Variants in NRM observed in about 807,000 individuals in gnomAD.
NRM encodes the protein nurim.
In NRM, 19 loss-of-function variants were observed where a neutral mutation model predicts 23.4. The ratio of observed to expected loss-of-function variants is 0.81; its 90% CI spans 0.57 to 1.19. The LOEUF (loss-of-function observed/expected upper bound fraction) is 1.19. NRM is among the 50% of genes most tolerant of loss of function. The pLI, the probability that NRM is intolerant of heterozygous loss-of-function variation, is 0.00. For synonymous variants in NRM, 140 were observed against 143.5 expected (o/e 0.98, Z 0.17); for missense variants, 232 against 329.7 (o/e 0.70, Z 2.30).
rs1771540964 is a variant in NRM, at chr6:30,690,754, T to G, written c.133+88A>C. ...CGAGTTCCCTCTCTTGGACTTCCCC[T>G]GTCATTTGTTTCCAAGCCCCGCCCT... is the stretch of plus-strand genomic sequence containing the variant. On this transcript the variant is annotated intron_variant, in intron 1 of 3. Transcript: ENST00000376421. The surrounding 1 kb of genome is among the most constrained non-coding windows in gnomAD (Gnocchi z 5.5). The G allele has an allele frequency of 6.2e-7, 1 of 1,611,142 alleles. No individual in the cohort carries two copies. The highest frequency in any genetic ancestry group is 8.5e-7 in the Non-Finnish European group (1 of 1,179,012).
At position 30,689,955 on chromosome 6, in the gene NRM, G is replaced by T. The variant is rs891385014; in HGVS notation, c.330+92C>A. ...AATTCTCCTCCTGAACCCATATTTT[G>T]CCCCTCCAATCCACGGCACCCCTCC... On this transcript the variant is annotated intron_variant, in intron 2 of 3. Coordinates refer to ENST00000376421, the MANE Select transcript of NRM (RefSeq NM_001384369.1). This position sits in a 1 kb window ranked among gnomAD's most constrained non-coding sequence, Gnocchi z 4.7. The T allele has an allele frequency of 6.2e-6, 8 of 1,286,900 alleles. No individual in the cohort carries two copies. In the South Asian group the frequency reaches 6.8e-5, roughly 11 times the overall value. 79.7% of individuals were successfully genotyped at this position (1,286,900 alleles called of 1,614,324 possible). A position where few individuals can be genotyped will look rare whatever the true frequency, so the allele number is the denominator to read the frequency against.
chr6:30,689,982 A>G lies in NRM; in HGVS notation c.330+65T>C, dbSNP rs3129998. On this transcript the variant is annotated intron_variant, in intron 2 of 3. Coordinates refer to ENST00000376421, the MANE Select transcript of NRM (RefSeq NM_001384369.1). This position sits in a 1 kb window ranked among gnomAD's most constrained non-coding sequence, Gnocchi z 4.7. ...CCCTCCAATCCACGGCACCCCTCCC[A>G]CACTTGGTCTCCCTTGGGGACTCAA... is the stretch of plus-strand genomic sequence containing the variant. The G allele has an allele frequency of 7.2e-3, 10,938 of 1,528,872 alleles. 60 individuals carry two copies. The highest frequency in any genetic ancestry group is 9.8e-3 in the Admixed American group (416 of 42,538). 94.7% of individuals were successfully genotyped at this position (1,528,872 alleles called of 1,614,324 possible). A position where few individuals can be genotyped will look rare whatever the true frequency, so the allele number is the denominator to read the frequency against.
chr6:30,688,778 A>T lies in NRM; in HGVS notation c.672T>A (p.Leu224=). The T allele has an allele frequency of 1.2e-6, 2 of 1,613,426 alleles. No homozygotes were observed. The highest frequency in any genetic ancestry group is 1.7e-6 in the Non-Finnish European group (2 of 1,179,882). The change falls in exon 4 of 4, where the codon CTT becomes CTA. Residue 224 remains leucine (L), a synonymous_variant. Transcript: ENST00000376421. The surrounding 1 kb of genome is among the most constrained non-coding windows in gnomAD (Gnocchi z 5.9). The part of the protein sequence containing the change: ...GTDRLLLAFL[L]TLYLGLAHGL... ...CGTGAGCCAGGCCCAGGTAGAGGGT[A>T]AGGAGGAAAGCAAGGAGGAGACGGT...
At position 30,688,302 on chromosome 6, in the gene NRM, A is replaced by G; in HGVS notation, c.*359T>C. 3.5e-6 allele frequency: 1 copy of G among 285,932 alleles called. No individual in the cohort carries two copies. Among genetic ancestry groups the G allele is most frequent in the Non-Finnish European group, 6.7e-6 (1 of 149,610 alleles). 17.7% of individuals were successfully genotyped at this position (285,932 alleles called of 1,614,324 possible). On this transcript the variant is annotated 3_prime_UTR_variant, in exon 4 of 4. Transcript: ENST00000376421. This position sits in a 1 kb window ranked among gnomAD's most constrained non-coding sequence, Gnocchi z 5.9. ...TTGGAGTGGAAGCCAGCGGTGCAGA[A>G]GGGGACCCCTGAGGCGCAGAGGCAA...
Position 30,689,206 on chromosome 6 carries a change from A to G in NRM, c.507+70T>C. Reference sequence around the variant, plus strand: ...ACAGTAGAAGAGCATGGGAGGAGGGAAACCCTTGAAAGGGAACGAGGAGTT... The same window carrying G: ...ACAGTAGAAGAGCATGGGAGGAGGGGAACCCTTGAAAGGGAACGAGGAGTT... On this transcript the variant is annotated intron_variant, in intron 3 of 3. Transcript: ENST00000376421. The surrounding 1 kb of genome is among the most constrained non-coding windows in gnomAD (Gnocchi z 4.7). The G allele has an allele frequency of 7.1e-7, 1 of 1,411,338 alleles. No individual in the cohort carries two copies. Among genetic ancestry groups the G allele is most frequent in the Non-Finnish European group, 9.6e-7 (1 of 1,042,070 alleles). 87.4% of individuals were successfully genotyped at this position (1,411,338 alleles called of 1,614,324 possible). A position where few individuals can be genotyped will look rare whatever the true frequency, so the allele number is the denominator to read the frequency against.
At position 30,689,137 on chromosome 6, in the gene NRM, C is replaced by T. The variant is rs1460469418; in HGVS notation, c.507+139G>A. ...AGGAGGCCCATGCTTGCTGCCCTTACGAGGGAAAGTCAAAGGGAAGGGCCA... is the reference window on the plus strand; with the variant it reads ...AGGAGGCCCATGCTTGCTGCCCTTATGAGGGAAAGTCAAAGGGAAGGGCCA... On this transcript the variant is annotated intron_variant, in intron 3 of 3. Coordinates refer to ENST00000376421, the MANE Select transcript of NRM (RefSeq NM_001384369.1). The surrounding 1 kb of genome is among the most constrained non-coding windows in gnomAD (Gnocchi z 4.7). 24 of 1,092,490 alleles carry T rather than the reference C, an allele frequency of 2.2e-5. No homozygotes were observed. Among genetic ancestry groups the T allele is most frequent in the Non-Finnish European group, 2.6e-5 (20 of 779,016 alleles). 67.7% of individuals were successfully genotyped at this position (1,092,490 alleles called of 1,614,324 possible). A position where few individuals can be genotyped will look rare whatever the true frequency, so the allele number is the denominator to read the frequency against.
Position 30,690,885 on chromosome 6 carries a change from G to A in NRM, c.90C>T (p.Ser30=). ...GTGVEFVRFT[S]LRPLLGGIPE... ...GGATCCCTCCAAGAAGTGGCCGAAG[G>A]GAGGTAAAGCGCACGAACTCCACTC... Residue 30 remains serine (S), a synonymous_variant, in exon 1 of 4, where the codon TCC becomes TCT. Coordinates refer to ENST00000376421, the MANE Select transcript of NRM (RefSeq NM_001384369.1). The surrounding 1 kb of genome is among the most constrained non-coding windows in gnomAD (Gnocchi z 5.5). The A allele has an allele frequency of 6.2e-7, 1 of 1,613,062 alleles. No homozygotes were observed. Among genetic ancestry groups the A allele is most frequent in the Non-Finnish European group, 8.5e-7 (1 of 1,180,000 alleles).
chr6:30,689,045 A>G lies in NRM; in HGVS notation c.508-103T>C, dbSNP rs1771280140. The G allele has an allele frequency of 2.3e-6, 3 of 1,313,138 alleles. No homozygotes were observed. The highest frequency in any genetic ancestry group is 3.1e-6 in the Non-Finnish European group (3 of 974,986). 81.3% of individuals were successfully genotyped at this position (1,313,138 alleles called of 1,614,324 possible). On this transcript the variant is annotated intron_variant, in intron 3 of 3. Transcript: ENST00000376421. The surrounding 1 kb of genome is among the most constrained non-coding windows in gnomAD (Gnocchi z 4.7). ...CACCACCCTTCTAGAACTCAGGCCCAGGAACCCCCCTTCTGAGACTTGGAT... is the reference window on the plus strand; with the variant it reads ...CACCACCCTTCTAGAACTCAGGCCCGGGAACCCCCCTTCTGAGACTTGGAT...
At position 30,690,579 on chromosome 6, in the gene NRM, A is replaced by G. The variant is rs1771509325; in HGVS notation, c.133+263T>C. 6.5e-7 allele frequency: 1 copy of G among 1,543,230 alleles called. No individual in the cohort carries two copies. Among genetic ancestry groups the G allele is most frequent in the African/African-American group, 1.4e-5 (1 of 72,900 alleles). ...CACTCTCCTCTCAACAGTCCTCTCT[A>G]CAAAACACTTTACTTAGAATACTCC... On this transcript the variant is annotated intron_variant, in intron 1 of 3. Coordinates refer to ENST00000376421, the MANE Select transcript of NRM (RefSeq NM_001384369.1). The surrounding 1 kb of genome is among the most constrained non-coding windows in gnomAD (Gnocchi z 5.5).
Position 30,690,411 on chromosome 6 carries a change from G to A in NRM, c.134-168C>T. The A allele has an allele frequency of 9.4e-7, 1 of 1,068,478 alleles. No individual in the cohort carries two copies. The highest frequency in any genetic ancestry group is 1.6e-5 in the African/African-American group (1 of 62,742). The allele number at this position is 1,068,478 out of a possible 1,614,324, so 66.2% of individuals were successfully genotyped here. On this transcript the variant is annotated intron_variant, in intron 1 of 3. Coordinates refer to ENST00000376421, the MANE Select transcript of NRM (RefSeq NM_001384369.1). This position sits in a 1 kb window ranked among gnomAD's most constrained non-coding sequence, Gnocchi z 5.5. ...TCTCACTTTTCCATCCCTAGTTTCT[G>A]CCCTCTTCCCTAGGCCTCCTGCAAA...
upstream of NRM, chr6:30,690,991 G>T: frequency 6.3e-7 from 1 of 1,592,682 alleles, no homozygotes; most frequent in Non-Finnish European, 8.6e-7. This position sits in a 1 kb window ranked among gnomAD's most constrained non-coding sequence, Gnocchi z 5.5. Flanking sequence ...AAATGGAGGG[G>T]TGGGGAAAGG....
chr6:30,691,324 T>C (rs1583025196), upstream of NRM: 1 of 262,742 alleles, frequency 3.8e-6, no homozygotes, highest in Non-Finnish European at 7.5e-6. Context: ...TAAATTAATG[T>C]ATGGAATACA....
chr6:30,689,153 G>C lies in NRM; in HGVS notation c.507+123C>G. ...CTGCCCTTACGAGGGAAAGTCAAAG[G>C]GAAGGGCCACGAGGGAGAAGCAGGG... On this transcript the variant is annotated intron_variant, in intron 3 of 3. Transcript: ENST00000376421. The surrounding 1 kb of genome is among the most constrained non-coding windows in gnomAD (Gnocchi z 4.7). 8.6e-7 allele frequency: 1 copy of C among 1,163,900 alleles called. No homozygotes were observed. Among genetic ancestry groups the C allele is most frequent in the Non-Finnish European group, 1.2e-6 (1 of 840,594 alleles). 72.1% of individuals were successfully genotyped at this position (1,163,900 alleles called of 1,614,324 possible). A position where few individuals can be genotyped will look rare whatever the true frequency, so the allele number is the denominator to read the frequency against.
In NRM at chr6:30,690,390, A is replaced by T; in HGVS notation, c.134-147T>A. ...TTCCTCTCTAGGCTGTGCCCATCTC[A>T]CTTTTCCATCCCTAGTTTCTGCCCT... On this transcript the variant is annotated intron_variant, in intron 1 of 3. Coordinates refer to ENST00000376421, the MANE Select transcript of NRM (RefSeq NM_001384369.1). This position sits in a 1 kb window ranked among gnomAD's most constrained non-coding sequence, Gnocchi z 5.5. 9.5e-7 allele frequency: 1 copy of T among 1,049,872 alleles called. No individual in the cohort carries two copies. The highest frequency in any genetic ancestry group is 1.4e-6 in the Non-Finnish European group (1 of 740,688). The allele number at this position is 1,049,872 out of a possible 1,614,324, so 65.0% of individuals were successfully genotyped here. A position where few individuals can be genotyped will look rare whatever the true frequency, so the allele number is the denominator to read the frequency against.
Position 30,689,504 on chromosome 6 carries a change from TG to T in NRM, c.331-53del. On this transcript the variant is annotated intron_variant, in intron 2 of 3. Coordinates refer to ENST00000376421, the MANE Select transcript of NRM (RefSeq NM_001384369.1). The surrounding 1 kb of genome is among the most constrained non-coding windows in gnomAD (Gnocchi z 4.7). ...CCCAGTGGCCTAGTCTGCCCGACCTTGGGAGACCCAGACCCAGATCTGCCCC... is the reference window on the plus strand; with the variant it reads ...CCCAGTGGCCTAGTCTGCCCGACCTTGGAGACCCAGACCCAGATCTGCCCC... 1 of 1,495,268 alleles carries T rather than the reference TG, an allele frequency of 6.7e-7. No homozygotes were observed. The highest frequency in any genetic ancestry group is 8.9e-7 in the Non-Finnish European group (1 of 1,118,860). The allele number at this position is 1,495,268 out of a possible 1,614,324, so 92.6% of individuals were successfully genotyped here. A position where few individuals can be genotyped will look rare whatever the true frequency, so the allele number is the denominator to read the frequency against.
At position 30,688,538 on chromosome 6, in the gene NRM, G is replaced by GA; in HGVS notation, c.*122dup. 9.1e-7 allele frequency: 1 copy of GA among 1,104,040 alleles called. No individual in the cohort carries two copies. Among genetic ancestry groups the GA allele is most frequent in the Non-Finnish European group, 1.3e-6 (1 of 762,404 alleles). The allele number at this position is 1,104,040 out of a possible 1,614,324, so 68.4% of individuals were successfully genotyped here. A position where few individuals can be genotyped will look rare whatever the true frequency, so the allele number is the denominator to read the frequency against. ...CCAGAGAATAAAGTCTCAAGTAGTA[G>GA]AAGGGGCATCTCCTTCAGTCCATGG... is the stretch of plus-strand genomic sequence containing the variant. On this transcript the variant is annotated 3_prime_UTR_variant, in exon 4 of 4. Coordinates refer to ENST00000376421, the MANE Select transcript of NRM (RefSeq NM_001384369.1). The surrounding 1 kb of genome is among the most constrained non-coding windows in gnomAD (Gnocchi z 5.9).
rs924783225 is a variant in NRM at position 30,690,420 on chromosome 6, C to T, written c.134-177G>A. 5 of 1,110,968 alleles carry T rather than the reference C, an allele frequency of 4.5e-6. No homozygotes were observed. In the Admixed American group the frequency reaches 8.0e-5, roughly 18 times the overall value. 68.8% of individuals were successfully genotyped at this position (1,110,968 alleles called of 1,614,324 possible). A position where few individuals can be genotyped will look rare whatever the true frequency, so the allele number is the denominator to read the frequency against. ...TCCATCCCTAGTTTCTGCCCTCTTCCCTAGGCCTCCTGCAAACCTGGGGAA... is the reference window on the plus strand; with the variant it reads ...TCCATCCCTAGTTTCTGCCCTCTTCTCTAGGCCTCCTGCAAACCTGGGGAA... On this transcript the variant is annotated intron_variant, in intron 1 of 3. Transcript: ENST00000376421. The surrounding 1 kb of genome is among the most constrained non-coding windows in gnomAD (Gnocchi z 5.5).
rs777397361 is a variant in NRM, at chr6:30,690,865, C to G, written c.110G>C (p.Gly37Ala). 1 of 1,612,994 alleles carries G rather than the reference C, an allele frequency of 6.2e-7. No homozygotes were observed. Among genetic ancestry groups the G allele is most frequent in the African/African-American group, 1.3e-5 (1 of 74,930 alleles). ...RFTSLRPLLGGIPESGGPDAR... is the reference protein window; with the variant it reads ...RFTSLRPLLGAIPESGGPDAR... ...ACCCGGACCACCAGACTCCGGGATC[C>G]CTCCAAGAAGTGGCCGAAGGGAGGT... Residue 37 changes from glycine (G) to alanine (A), a missense_variant, in exon 1 of 4, where the codon GGG becomes GCG. Physicochemically the swap from Gly to Ala is moderately conservative, Grantham distance 60. Transcript: ENST00000376421. The surrounding 1 kb of genome is among the most constrained non-coding windows in gnomAD (Gnocchi z 5.5).
In NRM at chr6:30,689,302, A is replaced by T; in HGVS notation, c.481T>A (p.Tyr161Asn). The change falls in exon 3 of 4, where the codon TAT becomes AAT. Residue 161 changes from tyrosine to asparagine, a missense_variant. Transcript: ENST00000376421. This position sits in a 1 kb window ranked among gnomAD's most constrained non-coding sequence, Gnocchi z 4.7. Reference sequence around the variant, plus strand: ...TGTTTGAGGCCCATGAGCTCAGCATAGTCAAAGACGAGAAGGATGCTAAAG... The same window carrying T: ...TGTTTGAGGCCCATGAGCTCAGCATTGTCAAAGACGAGAAGGATGCTAAAG... ...LIFSILLVFD[Y>N]AELMGLKQVY... The T allele has an allele frequency of 6.4e-7, 1 of 1,554,736 alleles. No individual in the cohort carries two copies. Among genetic ancestry groups the T allele is most frequent in the South Asian group, 1.2e-5 (1 of 84,240 alleles).
Sources: gnomAD v4.1 joint callset for allele counts on GRCh38, gnomAD v4.1.1 for gene constraint, Gnocchi (gnomAD v3.1) non-coding constraint, MANE v1.5 for transcripts, NCBI Gene and HGNC (gene_info 2026-07-23, HGNC 2026-07-21) for gene names.